Variants in ADAMTS2 observed in about 807,000 individuals in gnomAD.
ADAMTS2 encodes A disintegrin and metalloproteinase with thrombospondin motifs 2.
A neutral mutation model predicts 123.0 loss-of-function variants in ADAMTS2; 50 were observed. The ratio of observed to expected loss-of-function variants is 0.41; its 90% CI spans 0.32 to 0.51. The LOEUF (loss-of-function observed/expected upper bound fraction) is 0.51, where lower values mean the gene tolerates loss of function less well. Ranked by LOEUF, ADAMTS2 falls within the 20% of genes least tolerant of loss-of-function variation. The pLI, the probability that ADAMTS2 is intolerant of heterozygous loss-of-function variation, is 0.35. For synonymous variants in ADAMTS2, 678 were observed against 695.4 expected, an observed-to-expected ratio of 0.98 and a Z score of 0.39; for missense variants, 1,494 against 1,705.2, an observed-to-expected ratio of 0.88 and a Z score of 2.18.
At chr5:179,274,592 G>C (rs1461203264) in intron 2 of ADAMTS2, among the ~76,000 whole-genome samples, 1 of 152,136 alleles carries the variant, frequency 6.6e-6, no homozygotes, top group African/African-American at 2.4e-5. Context: ...TCTTGGTTGT[G>C]GGGGGGCACG....
In ADAMTS2 at chr5:179,137,917, C is replaced by T. The variant is rs76754323; in HGVS notation, c.1803G>A (p.Ser601=). 2,499 of 1,550,264 alleles carry T rather than the reference C, an allele frequency of 1.6e-3. 49 individuals are homozygous for T. In the African/African-American group the frequency reaches 0.03, roughly 19 times the overall value. ...PHPANGGRTC[S]GLAYDFQLCS... ...AGAGCTGGAAGTCGTAGGCAAGGCC[C>T]GAGCAGGTGCGGCCCCCGTTGGCCG... is the stretch of plus-strand genomic sequence containing the variant. Residue 601 remains serine, a synonymous_variant, in exon 12 of 22, where the codon TCG becomes TCA. Transcript: ENST00000251582.
rs1764226340 is a variant in ADAMTS2, at chr5:179,188,573, G to A, written c.892-7418C>T. The stretch of plus-strand genomic sequence containing the variant: ...CTTCAGAGGGAATGCTAGAAGAAAC[G>A]TGACTCTTGCTCAAAATATCAAACT... On this transcript the variant is annotated intron_variant, in intron 4 of 21. Transcript: ENST00000251582. This position sits in a 1 kb window ranked among gnomAD's most constrained non-coding sequence, Gnocchi z 5.1. Among the ~76,000 whole-genome samples, 2 of 152,272 alleles carry A rather than the reference G, an allele frequency of 1.3e-5. No individual in the cohort carries two copies. The highest frequency in any genetic ancestry group is 4.1e-4 in the South Asian group (2 of 4,826).
In ADAMTS2 at chr5:179,317,706, C is replaced by T. The variant is rs1272562650; in HGVS notation, c.534+26061G>A. On this transcript the variant is annotated intron_variant, in intron 2 of 21. Transcript: ENST00000251582. The surrounding 1 kb of genome is among the most constrained non-coding windows in gnomAD (Gnocchi z 4.9). Reference sequence around the variant, plus strand: ...CCCCACATGTGCATCGCATACATCACCCACACACACACGTGTACATTTCAG... The same window carrying T: ...CCCCACATGTGCATCGCATACATCATCCACACACACACGTGTACATTTCAG... Among the ~76,000 whole-genome samples the T allele has an allele frequency of 1.3e-5, 2 of 152,236 alleles. No homozygotes were observed. Among genetic ancestry groups the T allele is most frequent in the Non-Finnish European group, 2.9e-5 (2 of 68,050 alleles).
At chr5:179,309,389 C>T (rs1756761248) in intron 2 of ADAMTS2, among the ~76,000 whole-genome samples, 2 of 152,182 alleles carry the variant, frequency 1.3e-5, no homozygotes, top group African/African-American at 4.8e-5. Context: ...GCTCCCCTGG[C>T]AACAGTGACC....
intron 2 of ADAMTS2, among the ~76,000 whole-genome samples, chr5:179,282,047 C>G (rs1766927409): frequency 6.6e-6 from 1 of 152,156 alleles, no homozygotes; most frequent in African/African-American, 2.4e-5. Context: ...ACACAAATCC[C>G]TTATTAGATA....
intron 11 of ADAMTS2, 147 bp from the exon 12 acceptor site, chr5:179,138,091 A>G (rs1229682618): frequency 2.2e-6 from 2 of 897,030 alleles, no homozygotes; most frequent in Non-Finnish European, 3.5e-6. Context: ...TTGCCCTGCC[A>G]TGTCCTAGCT....
At chr5:179,200,701 G>C (rs1238281742) in intron 4 of ADAMTS2, among the ~76,000 whole-genome samples, 2 of 152,138 alleles carry the variant, frequency 1.3e-5, no homozygotes, top group African/African-American at 4.8e-5. Flanking sequence ...GAGGGCAGGA[G>C]GCATCAAACA....
chr5:179,144,950 C>T (rs930531157), intron 10 of ADAMTS2, among the ~76,000 whole-genome samples: 3 of 152,156 alleles, frequency 2.0e-5, no homozygotes, highest in African/African-American at 7.2e-5. Flanking sequence ...AGACAACCCA[C>T]AGAATGGGAG....
At chr5:179,250,507 C>G (rs1383601301) in intron 3 of ADAMTS2, among the ~76,000 whole-genome samples, 1 of 152,128 alleles carries the variant, frequency 6.6e-6, no homozygotes, top group Non-Finnish European at 1.5e-5. Flanking sequence ...ATTATGCGCC[C>G]GAAACGCTGA....
chr5:179,326,238 C>A (rs1235576898), intron 2 of ADAMTS2, among the ~76,000 whole-genome samples: 1 of 148,076 alleles, frequency 6.8e-6, no homozygotes, highest in Non-Finnish European at 1.5e-5. Context: ...GTGTCCACCC[C>A]CAGCCGGGCA....
intron 13 of ADAMTS2, among the ~76,000 whole-genome samples, chr5:179,134,725 GGCTCCAGCTCCA>G (rs199676100): frequency 2.1e-3 from 236 of 114,040 alleles, no homozygotes; most frequent in Non-Finnish European, 4.0e-3. Flanking sequence ...GCACCCTCCC[GGCTCCAGCTCCA>G]GCTCCAGCTC....
chr5:179,237,586 C>T (rs894513069), intron 3 of ADAMTS2, among the ~76,000 whole-genome samples: 8 of 152,172 alleles, frequency 5.3e-5, no homozygotes, highest in South Asian at 2.1e-4. Flanking sequence ...GTCAGTTAAG[C>T]GGTGCTGCCC....
chr5:179,281,114 T>A (rs944925901), intron 2 of ADAMTS2, among the ~76,000 whole-genome samples: 8 of 152,232 alleles, frequency 5.3e-5, no homozygotes, highest in African/African-American at 1.9e-4. Context: ...TGCCTCGGCC[T>A]CACAAAGTGC....
intron 2 of ADAMTS2, among the ~76,000 whole-genome samples, chr5:179,304,967 C>T (rs1188504511): frequency 6.6e-6 from 1 of 150,740 alleles, no homozygotes; most frequent in African/African-American, 2.4e-5. Context: ...CAGTGCATTA[C>T]TTATAGGGGA....
intron 2 of ADAMTS2, among the ~76,000 whole-genome samples, chr5:179,330,391 C>T (rs1757451254): frequency 6.6e-6 from 1 of 152,210 alleles, no homozygotes; most frequent in South Asian, 2.1e-4. Context: ...CCATCCCTGG[C>T]CCCAAAGGCC....
chr5:179,261,925 G>C (rs1296152411), intron 3 of ADAMTS2, among the ~76,000 whole-genome samples: 1 of 152,210 alleles, frequency 6.6e-6, no homozygotes, highest in Non-Finnish European at 1.5e-5. Context: ...CCGCCCCACA[G>C]AGCACAGCCT....
chr5:179,200,083 G>GC (rs1026707641), intron 4 of ADAMTS2, among the ~76,000 whole-genome samples: 12 of 152,070 alleles, frequency 7.9e-5, no homozygotes, highest in African/African-American at 2.9e-4. Flanking sequence ...GTGCGTTGGG[G>GC]CCTGGGAGTT....
chr5:179,311,361 G>C (rs1391230462), intron 2 of ADAMTS2, among the ~76,000 whole-genome samples: 1 of 152,236 alleles, frequency 6.6e-6, no homozygotes, highest in African/African-American at 2.4e-5. Context: ...CTGGCTCAGA[G>C]GCACAGCAAT....
chr5:179,133,407 A>C (rs1261352128), intron 13 of ADAMTS2, among the ~76,000 whole-genome samples: 4 of 151,974 alleles, frequency 2.6e-5, no homozygotes, highest in Non-Finnish European at 5.9e-5. Flanking sequence ...AGCTGGGATT[A>C]CAGGTGCCCA....
Sources: gnomAD v4.1 joint callset for allele counts (sites outside exome capture counted in the v4.1 genomes callset) on GRCh38, gnomAD v4.1.1 for gene constraint, Gnocchi (gnomAD v3.1) non-coding constraint, MANE v1.5 for transcripts, NCBI Gene and HGNC (gene_info 2026-07-23, HGNC 2026-07-21) for gene names.